Variants in ZNG1F observed in about 807,000 individuals in gnomAD.
ZNG1F encodes the protein Zn regulated GTPase metalloprotein activator 1F.
chr9:41,171,346 C>T, the ZNG1F span, among the ~76,000 whole-genome samples: 34 of 28,898 alleles, frequency 1.2e-3, 1 homozygote, highest in African/African-American at 2.8e-3. Flanking sequence ...ACTCTATCAA[C>T]GAGGGAGAGA....
At chr9:41,158,501 TA>T in the ZNG1F span, 1 of 85,546 alleles carries the variant, frequency 1.2e-5, no homozygotes, top group Admixed American at 1.5e-4. Flanking sequence ...CACAAGCTTC[TA>T]AATAAACTGT....
the ZNG1F span, chr9:41,134,085 C>G: frequency 3.4e-6 from 1 of 292,574 alleles, no homozygotes; most frequent in Admixed American, 5.0e-5. Context: ...AATGTACTCA[C>G]TATACAGGGC....
the ZNG1F span, chr9:41,196,212 G>A: frequency 6.9e-5 from 3 of 43,674 alleles, no homozygotes; most frequent in East Asian, 1.6e-3. Context: ...CAGGAAGTTT[G>A]TGTCTAGTGA....
At chr9:41,177,323 G>GA in the ZNG1F span, 1 of 151,318 alleles carries the variant, frequency 6.6e-6, no homozygotes, top group Non-Finnish European at 1.5e-5. Context: ...ATAATTTAGG[G>GA]AAAAATGATT....
At chr9:41,203,396 T>C in the ZNG1F span, among the ~76,000 whole-genome samples, 2 of 151,854 alleles carry the variant, frequency 1.3e-5, no homozygotes, top group Admixed American at 6.6e-5. Flanking sequence ...ATAACATTTA[T>C]ACAGTTGTGC....
chr9:41,164,933 A>G, the ZNG1F span: 2 of 1,498,250 alleles, frequency 1.3e-6, no homozygotes, highest in African/African-American at 1.4e-5. Flanking sequence ...CAGGGCAACA[A>G]TCAGAGTAAA....
chr9:41,132,215 C>T, the ZNG1F span: 3 of 1,600,198 alleles, frequency 1.9e-6, no homozygotes, highest in African/African-American at 2.7e-5. Flanking sequence ...ACTGTGAATC[C>T]TTTGAGACTT....
chr9:41,141,119 A>C, the ZNG1F span, among the ~76,000 whole-genome samples: 1 of 151,418 alleles, frequency 6.6e-6, no homozygotes, highest in Non-Finnish European at 1.5e-5. Context: ...GTATGAGACA[A>C]AAAAGGCTTT....
the ZNG1F span, among the ~76,000 whole-genome samples, chr9:41,159,306 CA>C: frequency 6.9e-6 from 1 of 144,324 alleles, no homozygotes; most frequent in Non-Finnish European, 1.5e-5. Flanking sequence ...GAGCAAACTG[CA>C]ATGATAGCTC....
chr9:41,195,714 G>A, the ZNG1F span, among the ~76,000 whole-genome samples: 1 of 94,246 alleles, frequency 1.1e-5, no homozygotes, highest in East Asian at 3.4e-4. Context: ...GGAATGACAG[G>A]AGTGGAGGTT....
At chr9:41,195,619 A>T in the ZNG1F span, among the ~76,000 whole-genome samples, 4 of 141,716 alleles carry the variant, frequency 2.8e-5, no homozygotes, top group African/African-American at 1.0e-4. Context: ...AAAAGAAAAC[A>T]CCATTCAAAG....
At chr9:41,183,375 G>A in the ZNG1F span, among the ~76,000 whole-genome samples, 1 of 122,350 alleles carries the variant, frequency 8.2e-6, no homozygotes, top group Non-Finnish European at 1.7e-5. Context: ...CAAAACATTA[G>A]AGCAGATAGA....
At chr9:41,139,609 G>C in the ZNG1F span, among the ~76,000 whole-genome samples, 17 of 151,432 alleles carry the variant, frequency 1.1e-4, no homozygotes, top group African/African-American at 4.1e-4. Context: ...TTTCTTGCTT[G>C]ATAAGAGAAG....
chr9:41,132,109 A>G, the ZNG1F span: 69 of 1,550,084 alleles, frequency 4.5e-5, 4 homozygotes, highest in Non-Finnish European at 5.8e-5. Context: ...AACATTGACC[A>G]CAAGCTTATT....
chr9:41,201,331 C>A, the ZNG1F span, among the ~76,000 whole-genome samples: 1 of 130,244 alleles, frequency 7.7e-6, no homozygotes, highest in Non-Finnish European at 1.6e-5. Context: ...GATACACACC[C>A]TTGCAATAAC....
the ZNG1F span, among the ~76,000 whole-genome samples, chr9:41,142,862 AAAC>A: frequency 1.4e-4 from 12 of 84,322 alleles, no homozygotes; most frequent in Admixed American, 1.1e-3. Context: ...AAAAAAACAA[AAAC>A]AAAAACAAAA....
chr9:41,159,126 C>A, the ZNG1F span, among the ~76,000 whole-genome samples: 1 of 150,674 alleles, frequency 6.6e-6, no homozygotes, highest in East Asian at 2.0e-4. Flanking sequence ...TGGCTCTCCT[C>A]GGTGGGGGTG....
chr9:41,184,282 C>CA, the ZNG1F span, among the ~76,000 whole-genome samples: 3 of 142,406 alleles, frequency 2.1e-5, no homozygotes, highest in Non-Finnish European at 3.1e-5. Context: ...ACTAAAATTA[C>CA]AAAAAATTAG....
At chr9:41,164,868 A>G in the ZNG1F span, 144 of 588,952 alleles carry the variant, frequency 2.4e-4, 4 homozygotes, top group South Asian at 2.5e-3. Context: ...CATCAACAAT[A>G]TATGTGATTC....
Sources: gnomAD v4.1 joint callset for allele counts (sites outside exome capture counted in the v4.1 genomes callset) on GRCh38, gnomAD v4.1.1 for gene constraint, MANE v1.5 for transcripts, NCBI Gene and HGNC (gene_info 2026-07-23, HGNC 2026-07-21) for gene names.